The following FGF12 variants were observed in gnomAD, a reference collection of about 807,000 sequenced individuals.
The protein encoded by FGF12 is fibroblast growth factor 12.
Under a neutral mutation model 23.6 loss-of-function variants are expected in FGF12, and 14 were observed. The ratio of observed to expected loss-of-function variants is 0.59; its 90% CI spans 0.39 to 0.93. The LOEUF (loss-of-function observed/expected upper bound fraction) is 0.93, where lower values mean the gene tolerates loss of function less well. Among genes scored for constraint, FGF12 ranks in the 40% least tolerant of loss-of-function variants. FGF12 has a pLI of 0.00. For missense variants in FGF12, 175 were observed against 217.8 expected, an observed-to-expected ratio of 0.80 and a Z score of 1.24; for synonymous variants, 62 against 77.3, an observed-to-expected ratio of 0.80 and a Z score of 1.04.
At chr3:192,244,868 C>A (rs1168550503) in intron 4 of FGF12, 1 of 152,064 alleles carries the variant, frequency 6.6e-6, no homozygotes, top group Non-Finnish European at 1.5e-5. Flanking sequence ...GACCCAGAGC[C>A]CTTCGAGTCT....
chr3:192,317,364 C>T lies in FGF12; in HGVS notation c.228+17997G>A, dbSNP rs141108283. Among the ~76,000 whole-genome samples the T allele has an allele frequency of 3.2e-3, 485 of 151,424 alleles. 14 individuals carry two copies. The East Asian group carries it at 0.046, about 14-fold the overall frequency. On this transcript the variant is annotated intron_variant, in intron 4 of 5. Transcript: ENST00000445105. ...GAAGTGAGCCCACTGTCCTAAAGAG[C>T]GAGACCCAGCCCTGGCAACGTTCAC...
chr3:192,185,457 C>T (rs1432426516), intron 4 of FGF12, among the ~76,000 whole-genome samples: 2 of 152,136 alleles, frequency 1.3e-5, no homozygotes, highest in African/African-American at 2.4e-5. Flanking sequence ...AGATAGCTTC[C>T]AGCAGTAGAC....
intron 2 of FGF12, among the ~76,000 whole-genome samples, chr3:192,584,957 C>G (rs1713311998): frequency 1.3e-5 from 2 of 152,020 alleles, no homozygotes; most frequent in Non-Finnish European, 2.9e-5. Flanking sequence ...TATGCCAGGC[C>G]CTAGCTAGGT....
intron 4 of FGF12, among the ~76,000 whole-genome samples, chr3:192,331,617 C>T (rs1046962293): frequency 7.2e-5 from 11 of 151,982 alleles, no homozygotes; most frequent in East Asian, 1.9e-4. Flanking sequence ...TGCATTTTCC[C>T]GCCTATATGA....
At chr3:192,470,297 G>A (rs1015761167) in intron 2 of FGF12, among the ~76,000 whole-genome samples, 3 of 152,198 alleles carry the variant, frequency 2.0e-5, no homozygotes, top group Non-Finnish European at 4.4e-5. Context: ...CGACATGCGA[G>A]AACAATCTAA....
intron 2 of FGF12, among the ~76,000 whole-genome samples, chr3:192,438,028 G>A (rs113998936): frequency 3.1e-3 from 477 of 152,082 alleles, no homozygotes; most frequent in African/African-American, 0.011. Flanking sequence ...TTTTTTCCTC[G>A]AACATCTGCA....
At chr3:192,371,759 A>G (rs1160799692) in intron 2 of FGF12, among the ~76,000 whole-genome samples, 1 of 151,942 alleles carries the variant, frequency 6.6e-6, no homozygotes, top group South Asian at 2.1e-4. Flanking sequence ...TTACATCTAT[A>G]TTAGGGAACT....
intron 4 of FGF12, among the ~76,000 whole-genome samples, chr3:192,285,040 G>A (rs899368613): frequency 6.6e-6 from 1 of 152,032 alleles, no homozygotes; most frequent in African/African-American, 2.4e-5. Context: ...ACACATTACA[G>A]AGACGTATAA....
chr3:192,387,714 A>T (rs558131446), intron 2 of FGF12, among the ~76,000 whole-genome samples: 121 of 142,668 alleles, frequency 8.5e-4, no homozygotes, highest in Non-Finnish European at 1.6e-3. Flanking sequence ...ATACACACAC[A>T]CACAATATAT....
intron 2 of FGF12, among the ~76,000 whole-genome samples, chr3:192,475,360 T>C (rs1723287646): frequency 6.6e-6 from 1 of 152,008 alleles, no homozygotes; most frequent in African/African-American, 2.4e-5. Flanking sequence ...TCCCCCTTAA[T>C]CTATAAACGG....
chr3:192,300,348 G>A (rs187327250), intron 4 of FGF12, among the ~76,000 whole-genome samples: 74 of 152,306 alleles, frequency 4.9e-4, no homozygotes, highest in African/African-American at 7.2e-4. Flanking sequence ...CATTGAGGCC[G>A]ATTATGAAAG....
intron 4 of FGF12, among the ~76,000 whole-genome samples, chr3:192,296,349 C>T (rs1715042987): frequency 6.6e-6 from 1 of 151,776 alleles, no homozygotes; most frequent in East Asian, 1.9e-4. Context: ...TCAGCCTTCC[C>T]AGTAGCTGGG....
chr3:192,213,988 C>CT (rs567919587), intron 4 of FGF12, among the ~76,000 whole-genome samples: 30 of 152,012 alleles, frequency 2.0e-4, no homozygotes, highest in Middle Eastern at 6.8e-3. Context: ...AAGGGAGGGG[C>CT]TTTTTTTTAA....
intron 2 of FGF12, among the ~76,000 whole-genome samples, chr3:192,583,014 C>A (rs2108615678): frequency 6.6e-6 from 1 of 152,296 alleles, no homozygotes; most frequent in South Asian, 2.1e-4. Context: ...TTTATCTGTT[C>A]CTCAATCTTT....
chr3:192,512,293 TGG>T (rs1724501737), intron 2 of FGF12, among the ~76,000 whole-genome samples: 1 of 152,120 alleles, frequency 6.6e-6, no homozygotes, highest in Admixed American at 6.5e-5. Flanking sequence ...ATATGCACAC[TGG>T]GCATGGCAAT....
intron 2 of FGF12, among the ~76,000 whole-genome samples, chr3:192,724,428 G>A (rs1719145160): frequency 6.6e-6 from 1 of 152,164 alleles, no homozygotes; most frequent in Non-Finnish European, 1.5e-5. Context: ...ATCTCAGGAT[G>A]AGTATGTTCA....
chr3:192,565,825 G>T (rs957952990), intron 2 of FGF12, among the ~76,000 whole-genome samples: 1 of 152,166 alleles, frequency 6.6e-6, no homozygotes, highest in Non-Finnish European at 1.5e-5. Context: ...GGTGGCTCAC[G>T]CCTGTAATCC....
At chr3:192,544,527 T>A (rs1160668939) in intron 2 of FGF12, among the ~76,000 whole-genome samples, 1 of 152,226 alleles carries the variant, frequency 6.6e-6, no homozygotes, top group East Asian at 1.9e-4. Flanking sequence ...AGTGAACTCA[T>A]GTAAATTATC....
chr3:192,223,730 T>C (rs1718588138), intron 4 of FGF12, among the ~76,000 whole-genome samples: 1 of 152,148 alleles, frequency 6.6e-6, no homozygotes, highest in Non-Finnish European at 1.5e-5. Context: ...TGTACTAGGA[T>C]AGTCAGTGCC....
Sources: gnomAD v4.1 joint callset for allele counts (sites outside exome capture counted in the v4.1 genomes callset) on GRCh38, gnomAD v4.1.1 for gene constraint, MANE v1.5 for transcripts, NCBI Gene and HGNC (gene_info 2026-07-23, HGNC 2026-07-21) for gene names.